Variants in CDC42SE2 observed in about 807,000 individuals in gnomAD.
CDC42SE2 encodes the protein CDC42 small effector protein 2.
CDC42SE2 carries 3 observed loss-of-function variants against 11.5 expected under a neutral mutation model. The observed-to-expected ratio is 0.26, with a 90% CI of 0.12 to 0.67. The LOEUF is 0.67. CDC42SE2 is among the 30% of genes least tolerant of loss of function. CDC42SE2 has a pLI of 0.80. For missense variants in CDC42SE2, 82 were observed against 106.8 expected (o/e 0.77, Z 1.02); for synonymous variants, 33 against 34.8 (o/e 0.95, Z 0.18).
chr5:131,214,403 A>C, the CDC42SE2 span, among the ~76,000 whole-genome samples: 2 of 152,184 alleles, frequency 1.3e-5, no homozygotes, highest in Non-Finnish European at 2.9e-5. Context: ...AAATATATAA[A>C]TTGGAAAGAG....
Position 131,320,502 on chromosome 5 carries a change from G to A in CDC42SE2, c.-286+4358G>A, listed in dbSNP as rs575609359. Among the ~76,000 whole-genome samples, 7 of 152,108 alleles carry A rather than the reference G, an allele frequency of 4.6e-5. No individual in the cohort carries two copies. In the South Asian group the frequency reaches 1.2e-3, roughly 27 times the overall value. On this transcript the variant is annotated intron_variant, in intron 2 of 4. Transcript: ENST00000505065. ...TATGCCTGTAATCCCAGCACTTTGG[G>A]AGGCCGAGGAGGGTGGATCATTTGA... is the stretch of plus-strand genomic sequence containing the variant.
intron 2 of CDC42SE2, among the ~76,000 whole-genome samples, chr5:131,344,965 A>G (rs552937333): frequency 3.9e-4 from 60 of 152,352 alleles, no homozygotes; most frequent in African/African-American, 1.4e-3. Context: ...ACTAACAAAC[A>G]GAAAGGACAT....
At chr5:131,256,138 T>TAA (rs1445318981) in intron 2 of CDC42SE2, among the ~76,000 whole-genome samples, 4 of 152,354 alleles carry the variant, frequency 2.6e-5, no homozygotes, top group African/African-American at 4.8e-5. Flanking sequence ...GACTACCAGC[T>TAA]TGTTACTTCA....
At chr5:131,297,154 ATTCT>A (rs1364401816) in intron 1 of CDC42SE2, among the ~76,000 whole-genome samples, 4 of 67,414 alleles carry the variant, frequency 5.9e-5, no homozygotes, top group African/African-American at 2.8e-4. Flanking sequence ...AATACTTTAT[ATTCT>A]TTTTTTTTTT....
chr5:131,293,371 G>A (rs1281369920), intron 1 of CDC42SE2, among the ~76,000 whole-genome samples: 3 of 152,024 alleles, frequency 2.0e-5, no homozygotes, highest in African/African-American at 7.2e-5. Context: ...CAGGAGTTCA[G>A]GACTAGCCTG....
At chr5:131,329,318 C>T (rs1022459755) in intron 2 of CDC42SE2, among the ~76,000 whole-genome samples, 1 of 141,402 alleles carries the variant, frequency 7.1e-6, no homozygotes, top group Non-Finnish European at 1.5e-5. Context: ...CTTTTGGTAT[C>T]ACCAGCAGTT....
intron 2 of CDC42SE2, among the ~76,000 whole-genome samples, chr5:131,356,982 TA>T (rs1277376272): frequency 6.6e-6 from 1 of 152,230 alleles, no homozygotes; most frequent in African/African-American, 2.4e-5. Context: ...AAATTAAACT[TA>T]TTAAATAGCA....
At chr5:131,295,144 A>T (rs1757542497) in intron 1 of CDC42SE2, among the ~76,000 whole-genome samples, 1 of 150,828 alleles carries the variant, frequency 6.6e-6, no homozygotes, top group South Asian at 2.1e-4. Flanking sequence ...AAAAATAGGC[A>T]TGGAGGTGGG....
chr5:131,382,849 A>G (rs922464620), intron 3 of CDC42SE2, among the ~76,000 whole-genome samples: 2 of 152,188 alleles, frequency 1.3e-5, no homozygotes, highest in Non-Finnish European at 2.9e-5. Context: ...TGTGATGGTA[A>G]AGATTACATT....
chr5:131,294,290 A>G (rs1757523848), intron 1 of CDC42SE2, among the ~76,000 whole-genome samples: 1 of 152,220 alleles, frequency 6.6e-6, no homozygotes. Context: ...TTTATTTGAC[A>G]TAATATAGAA....
At chr5:131,329,795 C>G (rs948095744) in intron 2 of CDC42SE2, among the ~76,000 whole-genome samples, 3 of 143,038 alleles carry the variant, frequency 2.1e-5, no homozygotes, top group Non-Finnish European at 4.5e-5. Flanking sequence ...AGGAGAATTG[C>G]TTGAACTCGG....
chr5:131,297,094 A>G (rs1757584240), intron 1 of CDC42SE2, among the ~76,000 whole-genome samples: 1 of 151,456 alleles, frequency 6.6e-6, no homozygotes, highest in South Asian at 2.1e-4. Flanking sequence ...TAATTTAGAC[A>G]TTTTTTGTGC....
intron 3 of CDC42SE2, among the ~76,000 whole-genome samples, chr5:131,362,484 C>G (rs182203967): frequency 1.3e-5 from 2 of 152,252 alleles, no homozygotes; most frequent in Admixed American, 6.5e-5. Context: ...ACTGCCTTAT[C>G]TTAAAGCTGC....
chr5:131,319,684 T>C (rs1485684556), intron 2 of CDC42SE2, among the ~76,000 whole-genome samples: 1 of 152,184 alleles, frequency 6.6e-6, no homozygotes, highest in Non-Finnish European at 1.5e-5. Flanking sequence ...TTAAAAGGAT[T>C]TTTAAAGATT....
intron 2 of CDC42SE2, among the ~76,000 whole-genome samples, chr5:131,331,912 A>G (rs1457247638): frequency 6.6e-6 from 1 of 152,172 alleles, no homozygotes; most frequent in Non-Finnish European, 1.5e-5. Flanking sequence ...TTTCTCCAAT[A>G]TTGTTCACGA....
intron 2 of CDC42SE2, among the ~76,000 whole-genome samples, chr5:131,319,311 C>G (rs1395849139): frequency 6.6e-6 from 1 of 152,154 alleles, no homozygotes; most frequent in African/African-American, 2.4e-5. Context: ...GAATTCGAAA[C>G]CACTTACTTC....
At chr5:131,275,609 T>A (rs1213219290) in intron 1 of CDC42SE2, among the ~76,000 whole-genome samples, 4 of 152,160 alleles carry the variant, frequency 2.6e-5, no homozygotes, top group African/African-American at 9.7e-5. Context: ...ATTTTCTTTT[T>A]ATCAGGGATG....
chr5:131,261,897 TTG>T (rs889270527), upstream of CDC42SE2, among the ~76,000 whole-genome samples: 10 of 150,170 alleles, frequency 6.7e-5, no homozygotes, highest in African/African-American at 2.4e-4. Flanking sequence ...CTGAATGGCA[TTG>T]TGTCCTTAAT....
At chr5:131,279,387 G>T (rs1286803159) in intron 1 of CDC42SE2, among the ~76,000 whole-genome samples, 1 of 151,916 alleles carries the variant, frequency 6.6e-6, no homozygotes, top group Non-Finnish European at 1.5e-5. Context: ...TTATTGAAAG[G>T]CGTTACTTTT....
Sources: allele counts gnomAD v4.1 joint callset (sites outside exome capture counted in the v4.1 genomes callset), GRCh38; gene constraint gnomAD v4.1.1; transcripts MANE v1.5; gene names NCBI Gene and HGNC (gene_info 2026-07-23, HGNC 2026-07-21).